Variants in CHMP4C observed in about 807,000 individuals in gnomAD.
The protein encoded by CHMP4C is SNF7 homolog associated with Alix 3.
Under a neutral mutation model 29.0 loss-of-function variants are expected in CHMP4C, and 28 were observed. The ratio of observed to expected loss-of-function variants is 0.97; its 90% CI spans 0.72 to 1.32. The LOEUF (loss-of-function observed/expected upper bound fraction) is 1.32. Ranked by LOEUF, CHMP4C falls within the 40% of genes most tolerant of loss-of-function variation. The pLI is 0.00. For missense variants in CHMP4C, 291 were observed against 281.0 expected, an observed-to-expected ratio of 1.04 and a Z score of -0.25; for synonymous variants, 106 against 102.4, an observed-to-expected ratio of 1.04 and a Z score of -0.21.
chr8:81,758,443 T>A, intron 4 of CHMP4C, 37 bp from the exon 5 acceptor site: 2 of 1,567,778 alleles, frequency 1.3e-6, no homozygotes, highest in Non-Finnish European at 8.8e-7. Flanking sequence ...AGTGTGAATG[T>A]CACCAATTAC....
chr8:81,746,934 C>T (rs927128443), intron 1 of CHMP4C, among the ~76,000 whole-genome samples: 4 of 152,208 alleles, frequency 2.6e-5, no homozygotes, highest in South Asian at 2.1e-4. Context: ...TGCCACTGAA[C>T]GAAACATTTT....
chr8:81,734,550 G>T (rs1389149552), intron 1 of CHMP4C, among the ~76,000 whole-genome samples: 1 of 152,102 alleles, frequency 6.6e-6, no homozygotes, highest in African/African-American at 2.4e-5. Context: ...GACTGGTCTC[G>T]AACTCCTGAC....
intron 3 of CHMP4C, among the ~76,000 whole-genome samples, chr8:81,757,575 C>T (rs1207611450): frequency 6.6e-6 from 1 of 152,126 alleles, no homozygotes; most frequent in Non-Finnish European, 1.5e-5. Flanking sequence ...CAGGCTCTCT[C>T]GGACTATTGC....
At chr8:81,741,413 A>C (rs1297575067) in intron 1 of CHMP4C, among the ~76,000 whole-genome samples, 1 of 152,190 alleles carries the variant, frequency 6.6e-6, no homozygotes, top group Non-Finnish European at 1.5e-5. Flanking sequence ...GTTACAAGGA[A>C]TTATGGCAAG....
intron 1 of CHMP4C, among the ~76,000 whole-genome samples, chr8:81,742,816 C>T (rs1299939753): frequency 1.3e-5 from 2 of 152,110 alleles, no homozygotes; most frequent in Middle Eastern, 3.2e-3. Flanking sequence ...TTATGGTCAA[C>T]TAATTTGCAA....
intron 1 of CHMP4C, among the ~76,000 whole-genome samples, chr8:81,739,476 G>C (rs965602870): frequency 6.9e-6 from 1 of 145,326 alleles, no homozygotes; most frequent in Non-Finnish European, 1.5e-5. Flanking sequence ...CCAATACCTA[G>C]GCCAGATCTT....
chr8:81,745,697 T>C (rs556369420), intron 1 of CHMP4C, among the ~76,000 whole-genome samples: 2 of 152,298 alleles, frequency 1.3e-5, no homozygotes, highest in Non-Finnish European at 2.9e-5. Context: ...CTGCTAGCAA[T>C]AGTACATAAA....
At chr8:81,739,646 A>G (rs1808739485) in intron 1 of CHMP4C, among the ~76,000 whole-genome samples, 1 of 152,142 alleles carries the variant, frequency 6.6e-6, no homozygotes, top group Non-Finnish European at 1.5e-5. Flanking sequence ...AGCCCTGGGA[A>G]CCCTCTTCAC....
intron 2 of CHMP4C, 47 bp downstream of exon 2, chr8:81,753,288 G>T (rs1379011953): frequency 6.9e-7 from 1 of 1,456,392 alleles, no homozygotes; most frequent in East Asian, 2.4e-5. Context: ...CCTCAGTGTT[G>T]GGAAGAACCT....
intron 1 of CHMP4C, among the ~76,000 whole-genome samples, chr8:81,739,449 C>G (rs1338870520): frequency 6.9e-6 from 1 of 145,630 alleles, no homozygotes; most frequent in Admixed American, 6.9e-5. Context: ...AAAGTCTTAT[C>G]CCTGGGGCAT....
intron 1 of CHMP4C, among the ~76,000 whole-genome samples, chr8:81,734,933 G>A (rs1378490855): frequency 1.3e-5 from 2 of 150,836 alleles, no homozygotes; most frequent in South Asian, 2.1e-4. Flanking sequence ...TTACTCTATC[G>A]CCCAGGCTGG....
At chr8:81,735,323 A>G (rs1808673925) in intron 1 of CHMP4C, among the ~76,000 whole-genome samples, 1 of 152,240 alleles carries the variant, frequency 6.6e-6, no homozygotes, top group Non-Finnish European at 1.5e-5. Flanking sequence ...GGTCATCTGT[A>G]ATCTAAGCTA....
intron 1 of CHMP4C, among the ~76,000 whole-genome samples, chr8:81,746,828 G>T (rs1420339764): frequency 1.3e-5 from 2 of 152,204 alleles, no homozygotes; most frequent in Non-Finnish European, 2.9e-5. Context: ...GTAAGGTTCA[G>T]TGTCATACCA....
chr8:81,733,204 AT>A (rs1456475314), intron 1 of CHMP4C, among the ~76,000 whole-genome samples: 4 of 152,094 alleles, frequency 2.6e-5, no homozygotes, highest in Non-Finnish European at 5.9e-5. Flanking sequence ...ATTTAAAATT[AT>A]TTTTTATAAT....
chr8:81,733,986 C>G (rs572169946), intron 1 of CHMP4C, among the ~76,000 whole-genome samples: 1 of 152,272 alleles, frequency 6.6e-6, no homozygotes, highest in South Asian at 2.1e-4. Flanking sequence ...TAAAAGTGTG[C>G]CAGCTACATT....
intron 1 of CHMP4C, among the ~76,000 whole-genome samples, chr8:81,739,059 A>ATCCACCTT (rs1250101617): frequency 8.7e-5 from 13 of 149,338 alleles, no homozygotes; most frequent in Admixed American, 8.0e-4. Flanking sequence ...TGAAATATCT[A>ATCCACCTT]TCCACCTTTC....
intron 3 of CHMP4C, among the ~76,000 whole-genome samples, chr8:81,757,898 A>C (rs1808990883): frequency 6.6e-6 from 1 of 152,216 alleles, no homozygotes; most frequent in African/African-American, 2.4e-5. Flanking sequence ...CAGCTAGCAC[A>C]AATTACTTGA....
At chr8:81,743,153 T>C (rs1808784415) in intron 1 of CHMP4C, among the ~76,000 whole-genome samples, 1 of 151,968 alleles carries the variant, frequency 6.6e-6, no homozygotes, top group African/African-American at 2.4e-5. Flanking sequence ...TGTTAGAGCA[T>C]CTGCAAGCCA....
intron 1 of CHMP4C, among the ~76,000 whole-genome samples, chr8:81,737,232 G>A (rs1281755863): frequency 6.6e-6 from 1 of 152,094 alleles, no homozygotes; most frequent in Admixed American, 6.6e-5. Context: ...GATGCATGGG[G>A]CCCACCCCCA....
Sources: gnomAD v4.1 joint callset for allele counts (sites outside exome capture counted in the v4.1 genomes callset) on GRCh38, gnomAD v4.1.1 for gene constraint, MANE v1.5 for transcripts, NCBI Gene and HGNC (gene_info 2026-07-23, HGNC 2026-07-21) for gene names.